Variants in SLC24A3 observed in about 807,000 individuals in gnomAD.
SLC24A3 encodes sodium/potassium/calcium exchanger 3.
SLC24A3 carries 28 observed loss-of-function variants against 75.8 expected under a neutral mutation model. The observed-to-expected ratio is 0.37, with a 90% confidence interval of 0.27 to 0.51. The LOEUF (loss-of-function observed/expected upper bound fraction) is 0.51. Among genes scored for constraint, SLC24A3 ranks in the 20% least tolerant of loss-of-function variants. The pLI is 0.94. For synonymous variants in SLC24A3, 372 were observed against 334.1 expected, an observed-to-expected ratio of 1.11 and a Z score of -1.24; for missense variants, 663 against 847.8, an observed-to-expected ratio of 0.78 and a Z score of 2.71.
At chr20:19,535,359 G>T (rs2030376877) in intron 3 of SLC24A3, among the ~76,000 whole-genome samples, 1 of 152,180 alleles carries the variant, frequency 6.6e-6, no homozygotes. Context: ...AGACCAGCTT[G>T]GTTTTGGACA....
intron 16 of SLC24A3, among the ~76,000 whole-genome samples, chr20:19,717,812 T>C (rs545729664): frequency 2.2e-4 from 34 of 152,328 alleles, no homozygotes; most frequent in Non-Finnish European, 3.7e-4. Context: ...GGCATGGCCC[T>C]ATCTTACATA....
chr20:19,604,835 C>T (rs879628052), intron 6 of SLC24A3, among the ~76,000 whole-genome samples: 4 of 152,216 alleles, frequency 2.6e-5, no homozygotes, highest in Non-Finnish European at 4.4e-5. Context: ...AAGCACCCCA[C>T]CTTCCCTCAG....
chr20:19,226,165 A>G (rs1383767844), intron 1 of SLC24A3, among the ~76,000 whole-genome samples: 1 of 152,144 alleles, frequency 6.6e-6, no homozygotes, highest in East Asian at 1.9e-4. Flanking sequence ...TCATGTATCA[A>G]TTGATATGCT....
At chr20:19,224,125 T>A (rs1435806831) in intron 1 of SLC24A3, among the ~76,000 whole-genome samples, 2 of 131,750 alleles carry the variant, frequency 1.5e-5, no homozygotes, top group East Asian at 2.0e-4. Context: ...TGTGTGAGTG[T>A]GTGTGTGTGT....
chr20:19,678,552 G>A (rs1319016937), intron 9 of SLC24A3, among the ~76,000 whole-genome samples: 5 of 146,430 alleles, frequency 3.4e-5, no homozygotes, highest in Admixed American at 6.7e-5. Flanking sequence ...GCGGCTGGCC[G>A]GGCAGAGGGG....
chr20:19,272,638 T>G (rs1983363382), intron 1 of SLC24A3, among the ~76,000 whole-genome samples: 1 of 152,234 alleles, frequency 6.6e-6, no homozygotes, highest in African/African-American at 2.4e-5. Flanking sequence ...ATTCTTGGGC[T>G]TATCATTTAA....
chr20:19,545,124 G>T (rs1005282823), intron 3 of SLC24A3, among the ~76,000 whole-genome samples: 1 of 152,204 alleles, frequency 6.6e-6, no homozygotes, highest in African/African-American at 2.4e-5. Context: ...GCTCCAAGTG[G>T]TGAGAAGGAG....
rs546675563 is a variant in SLC24A3, at chr20:19,364,370, G to A, written c.271+83283G>A. ...AACTGGGATCTCCGTTGATCTCAGG[G>A]CAACCTTATTTTTGCCCTGAGACCA... On this transcript the variant is annotated intron_variant, in intron 2 of 16. Transcript: ENST00000328041. Among the ~76,000 whole-genome samples the A allele has an allele frequency of 7.9e-5, 12 of 152,228 alleles. 1 individual carries two copies. The South Asian group carries it at 2.5e-3, about 32-fold the overall frequency.
At chr20:19,281,366 G>A (rs1983659929) in intron 2 of SLC24A3, among the ~76,000 whole-genome samples, 1 of 152,194 alleles carries the variant, frequency 6.6e-6, no homozygotes, top group Non-Finnish European at 1.5e-5. Flanking sequence ...GCTGCCAAGT[G>A]AGAAACCAAG....
chr20:19,307,775 T>A (rs187333176), intron 2 of SLC24A3, among the ~76,000 whole-genome samples: 21 of 152,036 alleles, frequency 1.4e-4, no homozygotes, highest in Admixed American at 1.2e-3. Flanking sequence ...AAAATAAAAA[T>A]AAAAATAAAG....
At chr20:19,591,902 G>A (rs1264484295) in intron 6 of SLC24A3, among the ~76,000 whole-genome samples, 1 of 152,180 alleles carries the variant, frequency 6.6e-6, no homozygotes, top group African/African-American at 2.4e-5. Context: ...TGGAACACAA[G>A]GGAAAAACTG....
rs76614645 is a variant in SLC24A3, at chr20:19,649,195, C to T, written c.613-4867C>T. Among the ~76,000 whole-genome samples the T allele has an allele frequency of 7.4e-3, 1,132 of 152,332 alleles. 11 individuals carry two copies. Among genetic ancestry groups the T allele is most frequent in the African/African-American group, 0.026 (1,082 of 41,574 alleles). ...CCCATTTGATGCAGAGATGCTAACACGCCCCCTCTGCCAGGAAATGTGTTC... is the reference window on the plus strand; with the variant it reads ...CCCATTTGATGCAGAGATGCTAACATGCCCCCTCTGCCAGGAAATGTGTTC... On this transcript the variant is annotated intron_variant, in intron 6 of 16. Coordinates refer to ENST00000328041, the MANE Select transcript of SLC24A3 (RefSeq NM_020689.4).
At chr20:19,465,381 A>ATTTTT (rs5840845) in intron 2 of SLC24A3, among the ~76,000 whole-genome samples, 2 of 143,082 alleles carry the variant, frequency 1.4e-5, no homozygotes, top group Non-Finnish European at 1.5e-5. Context: ...GGGCTGGAGA[A>ATTTTT]TTTTTTTTTT....
chr20:19,309,475 A>G (rs1452109134), intron 2 of SLC24A3, among the ~76,000 whole-genome samples: 2 of 152,168 alleles, frequency 1.3e-5, no homozygotes, highest in African/African-American at 4.8e-5. Context: ...GCTTGTTAGA[A>G]ATGTAGAATC....
intron 2 of SLC24A3, among the ~76,000 whole-genome samples, chr20:19,375,729 C>T (rs1986073159): frequency 1.3e-5 from 2 of 151,220 alleles, no homozygotes; most frequent in African/African-American, 2.5e-5. Flanking sequence ...CCCTCACTCA[C>T]CTGGGCTGTG....
chr20:19,633,121 T>C (rs1028331911), intron 6 of SLC24A3, among the ~76,000 whole-genome samples: 22 of 152,238 alleles, frequency 1.4e-4, no homozygotes, highest in African/African-American at 5.1e-4. Context: ...CAACTTTATG[T>C]AGCATATTCT....
At chr20:19,371,118 G>A (rs182255411) in intron 2 of SLC24A3, among the ~76,000 whole-genome samples, 60 of 152,260 alleles carry the variant, frequency 3.9e-4, no homozygotes, top group African/African-American at 1.4e-3. Context: ...CAGGAGCTCT[G>A]GGGGCAACTG....
At chr20:19,239,175 G>T (rs547245722) in intron 1 of SLC24A3, among the ~76,000 whole-genome samples, 9 of 150,834 alleles carry the variant, frequency 6.0e-5, no homozygotes. Context: ...CAAAATTACT[G>T]TGTCTTGGGC....
rs139433332 is a variant in SLC24A3, at chr20:19,372,780, G to A, written c.271+91693G>A. Among the ~76,000 whole-genome samples, 16 of 152,076 alleles carry A rather than the reference G, an allele frequency of 1.1e-4. No individual in the cohort carries two copies. The East Asian group carries it at 2.7e-3, about 26-fold the overall frequency. ...AAACAGAAAACACAGGAAAATGCCC[G>A]GCTTTCCCTCCCCGAGCTCAGCACC... On this transcript the variant is annotated intron_variant, in intron 2 of 16. Coordinates refer to ENST00000328041, the MANE Select transcript of SLC24A3 (RefSeq NM_020689.4).
Sources: allele counts gnomAD v4.1 joint callset (sites outside exome capture counted in the v4.1 genomes callset), GRCh38; gene constraint gnomAD v4.1.1; transcripts MANE v1.5; gene names NCBI Gene and HGNC (gene_info 2026-07-23, HGNC 2026-07-21).